ANKRD36C: variants seen among roughly 807,000 people sequenced by gnomAD.
The protein encoded by ANKRD36C is ankyrin repeat domain-containing protein 36C.
In ANKRD36C, 61 loss-of-function variants were observed where a neutral mutation model predicts 276.4. The ratio of observed to expected loss-of-function variants is 0.22; its 90% CI spans 0.18 to 0.27. The LOEUF is 0.27. Among genes scored for constraint, ANKRD36C ranks in the 10% least tolerant of loss-of-function variants. The probability of loss-of-function intolerance (pLI) is 1.00; values close to 1 mark genes in which losing one functional copy is unlikely to be tolerated. For missense variants in ANKRD36C, 1,447 were observed against 2,032.3 expected, an observed-to-expected ratio of 0.71 and a Z score of 5.54; for synonymous variants, 483 against 680.1, an observed-to-expected ratio of 0.71 and a Z score of 4.51.
chr2:95,863,149 TAAAC>T (rs1232599908), intron 60 of ANKRD36C, among the ~76,000 whole-genome samples: 1 of 152,062 alleles, frequency 6.6e-6, no homozygotes, highest in Admixed American at 6.6e-5. Flanking sequence ...GTTTCAGAAA[TAAAC>T]AATGTGACAT....
chr2:95,884,400 C>T (rs1355046581), intron 52 of ANKRD36C, 32 bp from the exon 73 acceptor site: 3 of 1,610,544 alleles, frequency 1.9e-6, no homozygotes, highest in Non-Finnish European at 2.5e-6. Flanking sequence ...TAATCACCCA[C>T]ATGCACGTAT....
rs560100081 is a variant in ANKRD36C at position 95,856,244 on chromosome 2, G to C, written c.4081-64C>G. 3.8e-6 allele frequency: 6 copies of C among 1,582,098 alleles called. No homozygotes were observed. In the East Asian group the frequency reaches 9.0e-5, roughly 24 times the overall value. ...AGGATAACATATTGTGATTGCTTCTGAAATTAAATAATAACCCGAACATTT... is the reference window on the plus strand; with the variant it reads ...AGGATAACATATTGTGATTGCTTCTCAAATTAAATAATAACCCGAACATTT... On this transcript the variant is annotated intron_variant, in intron 62 of 66. Transcript: ENST00000456556.
chr2:95,978,850 C>A (rs188540298), intron 5 of ANKRD36C, among the ~76,000 whole-genome samples: 1 of 151,768 alleles, frequency 6.6e-6, no homozygotes, highest in Non-Finnish European at 1.5e-5. Flanking sequence ...AAATAGGTAA[C>A]ACGATTGTTA....
At chr2:95,857,058 G>A (rs1675431024) in intron 62 of ANKRD36C, among the ~76,000 whole-genome samples, 1 of 151,948 alleles carries the variant, frequency 6.6e-6, no homozygotes, top group African/African-American at 2.4e-5. Context: ...ATGTCACTAG[G>A]AACAAAATAC....
intron 22 of ANKRD36C, among the ~76,000 whole-genome samples, chr2:95,935,865 C>A (rs1448301476): frequency 4.5e-4 from 66 of 145,144 alleles, no homozygotes; most frequent in South Asian, 1.9e-3. Flanking sequence ...TATGGTGTAC[C>A]CTGAAGAAAA....
At chr2:95,919,798 G>C (rs112464761) in intron 34 of ANKRD36C, 1 of 1,412,824 alleles carries the variant, frequency 7.1e-7, no homozygotes, top group Non-Finnish European at 9.6e-7. Context: ...TTCCTCGTCA[G>C]TTGTAGCCTG....
chr2:95,939,156 CTT>C, intron 20 of ANKRD36C, 141 bp from the exon 21 acceptor site: 3 of 1,467,834 alleles, frequency 2.0e-6, no homozygotes, highest in African/African-American at 1.4e-5. Context: ...TTGTTTTGCT[CTT>C]GTTTTGGTTA....
intron 38 of ANKRD36C, among the ~76,000 whole-genome samples, chr2:95,915,408 T>C (rs1677062455): frequency 6.6e-6 from 1 of 151,508 alleles, no homozygotes; most frequent in African/African-American, 2.4e-5. Context: ...CAAAATCAAA[T>C]ATTGTTTATG....
chr2:95,925,665 T>A, intron 28 of ANKRD36C, 118 bp from the exon 29 acceptor site: 1 of 1,138,464 alleles, frequency 8.8e-7, no homozygotes, highest in Non-Finnish European at 1.2e-6. Context: ...TAGGATTTGA[T>A]GTTTTACAGT....
chr2:95,861,368 A>T (rs2104271364), intron 60 of ANKRD36C, among the ~76,000 whole-genome samples: 1 of 152,200 alleles, frequency 6.6e-6, no homozygotes, highest in South Asian at 2.1e-4. Context: ...CTCCTCAAAT[A>T]AAAAAGAAGA....
chr2:95,883,116 T>C (rs1320539356), intron 54 of ANKRD36C, among the ~76,000 whole-genome samples: 1 of 152,080 alleles, frequency 6.6e-6, no homozygotes, highest in Non-Finnish European at 1.5e-5. Context: ...ATTTGTTGTG[T>C]CCTCTAGTTT....
chr2:95,980,666 C>A, exon 5 of ANKRD36C: 2 of 1,612,562 alleles, frequency 1.2e-6, no homozygotes, highest in Non-Finnish European at 8.5e-7. Flanking sequence ...CTTAGCCTCG[C>A]TGGCATAATC....
At chr2:95,893,391 A>G in intron 44 of ANKRD36C, 142 bp downstream of exon 64, 1 of 1,208,774 alleles carries the variant, frequency 8.3e-7, no homozygotes, top group South Asian at 1.4e-5. Context: ...AGCATCACCC[A>G]AGAACTTACT....
chr2:95,955,548 C>T (rs1313361756), intron 13 of ANKRD36C, among the ~76,000 whole-genome samples: 1 of 152,128 alleles, frequency 6.6e-6, no homozygotes, highest in Non-Finnish European at 1.5e-5. Flanking sequence ...ATTTGGCTGT[C>T]CCCTGCAAAT....
intron 60 of ANKRD36C, among the ~76,000 whole-genome samples, chr2:95,864,597 T>TA (rs1558620161): frequency 6.6e-6 from 1 of 151,968 alleles, no homozygotes; most frequent in Non-Finnish European, 1.5e-5. Context: ...CATCCAAGTT[T>TA]AAAAAAAGAA....
chr2:95,982,137 A>C, intron 4 of ANKRD36C, 119 bp downstream of exon 4: 2 of 749,354 alleles, frequency 2.7e-6, no homozygotes, highest in Admixed American at 6.2e-5. Context: ...TTCTCACTAT[A>C]TCCCAATAAT....
intron 24 of ANKRD36C, among the ~76,000 whole-genome samples, chr2:95,934,082 T>G (rs1330334513): frequency 6.6e-6 from 1 of 152,194 alleles, no homozygotes; most frequent in East Asian, 1.9e-4. Context: ...AGAATGGTGA[T>G]CATTAAAACC....
exon 40 of ANKRD36C, chr2:95,914,143 G>T: frequency 1.9e-6 from 3 of 1,582,170 alleles, no homozygotes; most frequent in Non-Finnish European, 2.6e-6. Flanking sequence ...TTTTCCTCTG[G>T]CTATATTCAA....
At chr2:95,908,885 C>G (rs1485813425) in intron 42 of ANKRD36C, among the ~76,000 whole-genome samples, 188 bp from the exon 47 acceptor site, 1 of 151,166 alleles carries the variant, frequency 6.6e-6, no homozygotes, top group Non-Finnish European at 1.5e-5. Context: ...ACAGGCTCCA[C>G]GAAATATAGT....
Sources: allele counts gnomAD v4.1 joint callset (sites outside exome capture counted in the v4.1 genomes callset), GRCh38; gene constraint gnomAD v4.1.1; transcripts MANE v1.5; gene names NCBI Gene and HGNC (gene_info 2026-07-23, HGNC 2026-07-21).